The following FOXK1 variants were observed in gnomAD, a reference collection of about 807,000 sequenced individuals.
FOXK1 encodes the protein forkhead box protein K1.
A neutral mutation model predicts 51.9 loss-of-function variants in FOXK1; 19 were observed. The observed-to-expected ratio is 0.37, with a 90% CI of 0.26 to 0.54. The LOEUF is 0.54. FOXK1 is among the 20% of genes least tolerant of loss of function. The pLI is 0.87. For missense variants in FOXK1, 870 were observed against 1,032.7 expected (o/e 0.84, Z 2.16); for synonymous variants, 537 against 482.6 (o/e 1.11, Z -1.48).
In FOXK1 at chr7:4,692,140, A is replaced by G. The variant is rs117273667; in HGVS notation, c.560+9272A>G. Among the ~76,000 whole-genome samples, 46 of 152,292 alleles carry G rather than the reference A, an allele frequency of 3.0e-4. No homozygotes were observed. In the East Asian group the frequency reaches 8.3e-3, roughly 27 times the overall value. ...AAAATATTTTTATGAAAAAAAAACT[A>G]TATACCCCCACCCCAAGAAAAGAAT... On this transcript the variant is annotated intron_variant, in intron 1 of 8. Transcript: ENST00000328914.
At chr7:4,760,514 T>G (rs558158024) in intron 7 of FOXK1, among the ~76,000 whole-genome samples, 9 of 152,358 alleles carry the variant, frequency 5.9e-5, no homozygotes, top group African/African-American at 2.2e-4. Flanking sequence ...ATACGTTTTC[T>G]TTCTCAGACT....
At position 4,731,895 on chromosome 7, in the gene FOXK1, C is replaced by T. The variant is rs146024159; in HGVS notation, c.561-8943C>T. Among the ~76,000 whole-genome samples, 209 of 152,332 alleles carry T rather than the reference C, an allele frequency of 1.4e-3. No individual in the cohort carries two copies. The highest frequency in any genetic ancestry group is 4.9e-3 in the African/African-American group (202 of 41,564). On this transcript the variant is annotated intron_variant, in intron 1 of 8. Transcript: ENST00000328914. This position sits in a 1 kb window ranked among gnomAD's most constrained non-coding sequence, Gnocchi z 5.3. ...GCACATTTTCAGTAACCGCTTGCTACGTGCCAGCCGTCCGGTCAGGACTGA... is the reference window on the plus strand; with the variant it reads ...GCACATTTTCAGTAACCGCTTGCTATGTGCCAGCCGTCCGGTCAGGACTGA...
chr7:4,698,269 A>G (rs755545163), intron 1 of FOXK1, among the ~76,000 whole-genome samples: 2 of 151,700 alleles, frequency 1.3e-5, no homozygotes, highest in South Asian at 2.1e-4. Context: ...TTCTCTATAT[A>G]TGTATGTTAT....
In FOXK1 at chr7:4,757,149, C is replaced by T. The variant is rs375816383; in HGVS notation, c.1206C>T (p.Val402=). ...QAFRKRRQRG[V]SCFRTPFGPL... ...TCCGGAAACGGAGGCAGAGGGGTGTCTCCTGCTTCCGCACCCCCTTCGGGC... is the reference window on the plus strand; with the variant it reads ...TCCGGAAACGGAGGCAGAGGGGTGTTTCCTGCTTCCGCACCCCCTTCGGGC... Residue 402 remains valine, a synonymous_variant, in exon 5 of 9, where the codon GTC becomes GTT. Transcript: ENST00000328914. 87 of 1,612,266 alleles carry T rather than the reference C, an allele frequency of 5.4e-5. No individual in the cohort carries two copies. The highest frequency in any genetic ancestry group is 7.0e-5 in the Non-Finnish European group (82 of 1,179,736).
intron 2 of FOXK1, among the ~76,000 whole-genome samples, chr7:4,751,625 G>A (rs1252726840): frequency 4.6e-5 from 7 of 152,226 alleles, no homozygotes; most frequent in East Asian, 1.9e-4. Flanking sequence ...GCACAGCCCC[G>A]TGGCCGAGGC....
rs376403649 is a variant in FOXK1, at chr7:4,718,337, C to T, written c.561-22501C>T. On this transcript the variant is annotated intron_variant, in intron 1 of 8. Transcript: ENST00000328914. ...TTGTAACCCTGGAAACCAGTAAATG[C>T]GTCTCCATGGCTGCAGGCCTGTCGT... Among the ~76,000 whole-genome samples the T allele has an allele frequency of 3.3e-5, 5 of 152,204 alleles. No individual in the cohort carries two copies. In the East Asian group the frequency reaches 5.8e-4, roughly 18 times the overall value.
Position 4,723,728 on chromosome 7 carries a change from T to G in FOXK1, c.561-17110T>G, listed in dbSNP as rs1780343199. ...TGTCTCCCAGGCTGGAGTGCAGTGGTGCAATCGTAGCTCACTGCAGCCTCA... is the reference window on the plus strand; with the variant it reads ...TGTCTCCCAGGCTGGAGTGCAGTGGGGCAATCGTAGCTCACTGCAGCCTCA... On this transcript the variant is annotated intron_variant, in intron 1 of 8. Coordinates refer to ENST00000328914, the MANE Select transcript of FOXK1 (RefSeq NM_001037165.2). This position sits in a 1 kb window ranked among gnomAD's most constrained non-coding sequence, Gnocchi z 4.7. Among the ~76,000 whole-genome samples the G allele has an allele frequency of 6.6e-6, 1 of 152,110 alleles. No homozygotes were observed. Among genetic ancestry groups the G allele is most frequent in the Non-Finnish European group, 1.5e-5 (1 of 68,004 alleles).
In FOXK1 at chr7:4,684,970, C is replaced by T. The variant is rs548398768; in HGVS notation, c.560+2102C>T. ...TTATGCTCCAGGGAGCTCGTGTTCT[C>T]GGTGGGTGCATTACCAGGCATTGTG... On this transcript the variant is annotated intron_variant, in intron 1 of 8. Transcript: ENST00000328914. Among the ~76,000 whole-genome samples the T allele has an allele frequency of 3.9e-5, 6 of 151,988 alleles. No individual in the cohort carries two copies. In the South Asian group the frequency reaches 6.2e-4, roughly 16 times the overall value.
At position 4,723,190 on chromosome 7, in the gene FOXK1, A is replaced by G. The variant is rs1780337454; in HGVS notation, c.561-17648A>G. On this transcript the variant is annotated intron_variant, in intron 1 of 8. Coordinates refer to ENST00000328914, the MANE Select transcript of FOXK1 (RefSeq NM_001037165.2). This position sits in a 1 kb window ranked among gnomAD's most constrained non-coding sequence, Gnocchi z 4.7. Reference sequence around the variant, plus strand: ...CCAGGGCGCCTGCTCGCGGTCACCCATAGGGTGGGTGGACACCCATGGCGG... The same window carrying G: ...CCAGGGCGCCTGCTCGCGGTCACCCGTAGGGTGGGTGGACACCCATGGCGG... Among the ~76,000 whole-genome samples the G allele has an allele frequency of 6.6e-6, 1 of 151,936 alleles. No individual in the cohort carries two copies. Among genetic ancestry groups the G allele is most frequent in the African/African-American group, 2.4e-5 (1 of 41,390 alleles).
chr7:4,725,765 C>G (rs993651010), intron 1 of FOXK1, among the ~76,000 whole-genome samples: 1 of 152,246 alleles, frequency 6.6e-6, no homozygotes, highest in African/African-American at 2.4e-5. Flanking sequence ...CTGGGCTGCC[C>G]TGTAGGTTTC....
chr7:4,720,741 C>T (rs573225526), intron 1 of FOXK1, among the ~76,000 whole-genome samples: 5 of 151,052 alleles, frequency 3.3e-5, no homozygotes, highest in Non-Finnish European at 7.4e-5. Flanking sequence ...TCTCTGTTGC[C>T]CAGGGTGGAG....
At chr7:4,686,937 C>CT (rs751835527) in intron 1 of FOXK1, among the ~76,000 whole-genome samples, 1,558 of 117,176 alleles carry the variant, frequency 0.013, 5 homozygotes, top group Non-Finnish European at 0.02. Flanking sequence ...TTTTTCTTTT[C>CT]TTTTTTTTTT....
At chr7:4,750,924 G>A (rs912218120) in intron 2 of FOXK1, among the ~76,000 whole-genome samples, 7 of 151,550 alleles carry the variant, frequency 4.6e-5, no homozygotes, top group Admixed American at 2.0e-4. Context: ...GGCTGGTCTC[G>A]AACTCCTGAC....
intron 1 of FOXK1, among the ~76,000 whole-genome samples, chr7:4,739,771 C>T (rs966999220): frequency 1.3e-5 from 2 of 152,220 alleles, no homozygotes; most frequent in Non-Finnish European, 2.9e-5. Context: ...GTTGTCAGAT[C>T]TTCTAGGCAG....
intron 1 of FOXK1, among the ~76,000 whole-genome samples, chr7:4,725,140 G>T (rs10247853): frequency 6.6e-6 from 1 of 152,242 alleles, no homozygotes; most frequent in African/African-American, 2.4e-5. Context: ...GTGCTCTCTC[G>T]CAGTTCCTGC....
rs1032708131 is a variant in FOXK1 at position 4,722,491 on chromosome 7, C to A, written c.561-18347C>A. Among the ~76,000 whole-genome samples the A allele has an allele frequency of 6.6e-6, 1 of 152,210 alleles. No homozygotes were observed. Among genetic ancestry groups the A allele is most frequent in the Non-Finnish European group, 1.5e-5 (1 of 68,038 alleles). ...ATACACGGCAGGGCAGTGGGCTGCT[C>A]AGCACCAGTGGCCTCAGCCCAGTGC... On this transcript the variant is annotated intron_variant, in intron 1 of 8. Transcript: ENST00000328914. This position sits in a 1 kb window ranked among gnomAD's most constrained non-coding sequence, Gnocchi z 5.1.
chr7:4,696,924 C>T (rs112865189), intron 1 of FOXK1, among the ~76,000 whole-genome samples: 9,624 of 152,164 alleles, frequency 0.063, 918 homozygotes, highest in African/African-American at 0.21. Flanking sequence ...AAAAATTAGC[C>T]AGGCATGGTG....
intron 2 of FOXK1, among the ~76,000 whole-genome samples, chr7:4,742,773 T>G (rs1780651742): frequency 6.6e-6 from 1 of 152,198 alleles, no homozygotes; most frequent in Non-Finnish European, 1.5e-5. Context: ...CTGGCTTCTC[T>G]TGGAACACAG....
chr7:4,702,399 A>G (rs189278648), intron 1 of FOXK1, among the ~76,000 whole-genome samples: 41 of 152,094 alleles, frequency 2.7e-4, no homozygotes, highest in Non-Finnish European at 4.6e-4. Flanking sequence ...CTGTAGTGCA[A>G]TGGTGCAATC....
Sources: gnomAD v4.1 joint callset for allele counts (sites outside exome capture counted in the v4.1 genomes callset) on GRCh38, gnomAD v4.1.1 for gene constraint, Gnocchi (gnomAD v3.1) non-coding constraint, MANE v1.5 for transcripts, NCBI Gene and HGNC (gene_info 2026-07-23, HGNC 2026-07-21) for gene names.